SDK1: variants seen among roughly 807,000 people sequenced by gnomAD.
SDK1 encodes the protein sidekick cell adhesion molecule 1.
Under a neutral mutation model 245.5 loss-of-function variants are expected in SDK1, and 157 were observed. The observed-to-expected ratio is 0.64, with a 90% confidence interval of 0.56 to 0.73. SDK1 has a LOEUF of 0.73. SDK1 is among the 30% of genes least tolerant of loss of function. The pLI, the probability that SDK1 is intolerant of heterozygous loss-of-function variation, is 0.00. For synonymous variants in SDK1, 1,647 were observed against 1,278.5 expected (o/e 1.29, Z -6.15); for missense variants, 3,583 against 3,002.3 (o/e 1.19, Z -4.52).
At chr7:3,852,748 C>CT (rs1446513221) in intron 5 of SDK1, among the ~76,000 whole-genome samples, 5 of 77,712 alleles carry the variant, frequency 6.4e-5, no homozygotes, top group Admixed American at 3.5e-4. Flanking sequence ...AAGACTCCGT[C>CT]TCAAAAAAAA....
chr7:3,577,581 G>A (rs1307014641), intron 1 of SDK1, among the ~76,000 whole-genome samples: 1 of 151,982 alleles, frequency 6.6e-6, no homozygotes, highest in East Asian at 1.9e-4. Flanking sequence ...CCTCCCTCCA[G>A]GTAATCCTCA....
intron 4 of SDK1, among the ~76,000 whole-genome samples, chr7:3,780,824 G>A (rs900321642): frequency 6.6e-6 from 1 of 151,978 alleles, no homozygotes; most frequent in Non-Finnish European, 1.5e-5. Context: ...GCACTACTCA[G>A]CCAAAAAGCC....
At chr7:3,805,449 T>G (rs1035671145) in intron 4 of SDK1, among the ~76,000 whole-genome samples, 2 of 152,230 alleles carry the variant, frequency 1.3e-5, no homozygotes, top group African/African-American at 4.8e-5. Context: ...CATGACGTAG[T>G]CTTTGCTTTC....
At chr7:3,802,877 T>C (rs1359829163) in intron 4 of SDK1, among the ~76,000 whole-genome samples, 1 of 152,238 alleles carries the variant, frequency 6.6e-6, no homozygotes, top group African/African-American at 2.4e-5. Flanking sequence ...GTTGTTGTTT[T>C]TGTTTTTGTT....
At chr7:3,635,006 T>G (rs1426520666) in intron 2 of SDK1, among the ~76,000 whole-genome samples, 1 of 152,232 alleles carries the variant, frequency 6.6e-6, no homozygotes, top group Non-Finnish European at 1.5e-5. Flanking sequence ...TTCAAATACA[T>G]ACTGCAATTA....
At chr7:3,987,075 A>C (rs773424922) in intron 13 of SDK1, 111 bp from the exon 14 acceptor site, 1 of 1,049,868 alleles carries the variant, frequency 9.5e-7, no homozygotes, top group Non-Finnish European at 1.4e-6. Flanking sequence ...ATTTTATGTT[A>C]TTCATTTCCC....
intron 44 of SDK1, among the ~76,000 whole-genome samples, chr7:4,261,970 T>C (rs916296441): frequency 8.0e-4 from 101 of 126,608 alleles, no homozygotes; most frequent in Non-Finnish European, 1.4e-3. Flanking sequence ...CCGAGAAACC[T>C]CCACCTTCTT....
intron 7 of SDK1, among the ~76,000 whole-genome samples, chr7:3,957,360 G>A (rs974585439): frequency 1.3e-5 from 2 of 152,192 alleles, no homozygotes; most frequent in African/African-American, 4.8e-5. Context: ...TGATCATGAT[G>A]TTATGCTATC....
At chr7:3,423,368 C>CT (rs1256867864) in intron 1 of SDK1, among the ~76,000 whole-genome samples, 1 of 152,186 alleles carries the variant, frequency 6.6e-6, no homozygotes, top group Non-Finnish European at 1.5e-5. Flanking sequence ...GAACAATGAA[C>CT]TTTTGAGCAG....
intron 4 of SDK1, among the ~76,000 whole-genome samples, chr7:3,813,583 T>G (rs1779438213): frequency 6.6e-6 from 1 of 150,952 alleles, no homozygotes; most frequent in Non-Finnish European, 1.5e-5. Context: ...CATGTGCATG[T>G]GTCTTTACAG....
At chr7:3,767,538 A>T (rs1780288257) in intron 4 of SDK1, among the ~76,000 whole-genome samples, 1 of 152,218 alleles carries the variant, frequency 6.6e-6, no homozygotes, top group South Asian at 2.1e-4. Context: ...TAACACTTAC[A>T]TAGGCTTACT....
In SDK1 at chr7:4,051,726, C is replaced by G. The variant is rs777140029; in HGVS notation, c.2807C>G (p.Thr936Arg). 7.4e-6 allele frequency: 12 copies of G among 1,613,942 alleles called. No individual in the cohort carries two copies. Among genetic ancestry groups the G allele is most frequent in the Non-Finnish European group, 7.6e-6 (9 of 1,179,910 alleles). Residue 936 changes from threonine (T) to arginine (R), a missense_variant, in exon 19 of 45, where the codon ACG (threonine) becomes AGG (arginine). By Grantham distance (71) the Thr-to-Arg change is moderately conservative. Transcript: ENST00000404826. ...DFHGVHHGHITNLKKFTAYFT... is the reference protein window; with the variant it reads ...DFHGVHHGHIRNLKKFTAYFT... ...CACGGAGTCCACCATGGACACATAA[C>G]GAACCTGAAGAAGTTTACCGCCTAC... is the stretch of plus-strand genomic sequence containing the variant.
At chr7:3,514,936 A>G (rs1244499029) in intron 1 of SDK1, among the ~76,000 whole-genome samples, 1 of 152,210 alleles carries the variant, frequency 6.6e-6, no homozygotes, top group Non-Finnish European at 1.5e-5. Flanking sequence ...AGCAAAAGAA[A>G]CATTTCTAAT....
At chr7:3,820,959 C>T (rs941063913) in intron 4 of SDK1, among the ~76,000 whole-genome samples, 2 of 152,358 alleles carry the variant, frequency 1.3e-5, no homozygotes, top group African/African-American at 4.8e-5. Flanking sequence ...GCACTGTGCC[C>T]ATTGGCGACT....
chr7:3,663,436 C>T (rs1052669180), intron 4 of SDK1, among the ~76,000 whole-genome samples: 9 of 152,142 alleles, frequency 5.9e-5, no homozygotes, highest in African/African-American at 1.9e-4. Context: ...TGTATCTTCT[C>T]GACTTGGGGC....
intron 22 of SDK1, among the ~76,000 whole-genome samples, chr7:4,088,942 T>C (rs1444655349): frequency 6.6e-6 from 1 of 151,548 alleles, no homozygotes; most frequent in Non-Finnish European, 1.5e-5. Flanking sequence ...GAGACCCTTG[T>C]GGGCATCTGC....
intron 8 of SDK1, 148 bp downstream of exon 8, chr7:3,959,162 G>C: frequency 1.5e-6 from 1 of 666,456 alleles, no homozygotes; most frequent in East Asian, 2.7e-5. Context: ...TCTTGGGGCA[G>C]TGACTGTGGG....
chr7:3,740,051 T>C (rs1193725280), intron 4 of SDK1, among the ~76,000 whole-genome samples: 1 of 152,186 alleles, frequency 6.6e-6, no homozygotes, highest in Admixed American at 6.5e-5. Flanking sequence ...ACAGGTTTCT[T>C]TAAATTATTT....
chr7:4,017,379 T>G (rs1786498673), intron 17 of SDK1, 27 bp downstream of exon 17: 1 of 1,579,778 alleles, frequency 6.3e-7, no homozygotes, highest in Admixed American at 1.8e-5. Flanking sequence ...AACCACGAGG[T>G]GGCGGGATCT....
Sources: allele counts gnomAD v4.1 joint callset (sites outside exome capture counted in the v4.1 genomes callset), GRCh38; gene constraint gnomAD v4.1.1; transcripts MANE v1.5; gene names NCBI Gene and HGNC (gene_info 2026-07-23, HGNC 2026-07-21).